The following HIVEP3 variants were observed in gnomAD, a reference collection of about 807,000 sequenced individuals.
HIVEP3 encodes the protein HIVEP zinc finger 3.
HIVEP3 carries 49 observed loss-of-function variants against 152.8 expected under a neutral mutation model. The ratio of observed to expected loss-of-function variants is 0.32; its 90% confidence interval spans 0.26 to 0.41. The LOEUF (loss-of-function observed/expected upper bound fraction) is 0.41. Among genes scored for constraint, HIVEP3 ranks in the 10% least tolerant of loss-of-function variants. The pLI, the probability that HIVEP3 is intolerant of heterozygous loss-of-function variation, is 1.00. For synonymous variants in HIVEP3, 1,269 were observed against 1,289.0 expected, an observed-to-expected ratio of 0.98 and a Z score of 0.33; for missense variants, 2,790 against 3,103.3, an observed-to-expected ratio of 0.90 and a Z score of 2.40.
intron 1 of HIVEP3, among the ~76,000 whole-genome samples, chr1:41,749,432 G>GTGTGTGTGTGTGTGTGTGTGTGT (rs57099184): frequency 1.3e-5 from 2 of 151,032 alleles, no homozygotes; most frequent in African/African-American, 2.4e-5. Context: ...GTGTGTGTGT[G>GTGTGTGTGTGTGTGTGTGTGTGT]ATGGAGAGAC....
At chr1:41,617,856 G>A (rs2149138384) in intron 3 of HIVEP3, among the ~76,000 whole-genome samples, 1 of 149,550 alleles carries the variant, frequency 6.7e-6, no homozygotes, top group African/African-American at 2.5e-5. Flanking sequence ...CAATGGCTTT[G>A]GAACTGGACA....
At chr1:41,854,060 T>A (rs1268415503) in intron 1 of HIVEP3, among the ~76,000 whole-genome samples, 1 of 152,216 alleles carries the variant, frequency 6.6e-6, no homozygotes, top group Non-Finnish European at 1.5e-5. Flanking sequence ...CTCACCCGGC[T>A]GTACCTAGGG....
rs78259501 is a variant in HIVEP3 at position 41,808,805 on chromosome 1, T to C, written c.-800-107810A>G. On this transcript the variant is annotated intron_variant, in intron 1 of 8. Transcript: ENST00000372583. ...AATAGGTTTATTCAAACGGCCCATA[T>C]GGAGCAAGGGATGGAGCCTGCAGTT... Among the ~76,000 whole-genome samples, 571 of 152,352 alleles carry C rather than the reference T, an allele frequency of 3.7e-3. 3 individuals are homozygous for C. The highest frequency in any genetic ancestry group is 0.013 in the African/African-American group (537 of 41,586).
intron 1 of HIVEP3, among the ~76,000 whole-genome samples, chr1:41,785,861 T>C (rs1010894558): frequency 6.6e-6 from 1 of 152,158 alleles, no homozygotes; most frequent in Admixed American, 6.5e-5. Context: ...CTGGGCATGG[T>C]GGCAGGTGCC....
intron 1 of HIVEP3, among the ~76,000 whole-genome samples, chr1:41,878,727 T>C (rs962479601): frequency 7.5e-6 from 1 of 132,890 alleles, no homozygotes; most frequent in African/African-American, 2.8e-5. Flanking sequence ...CTCCCTTCCT[T>C]CCTCTCCTTC....
chr1:41,869,277 C>A (rs6658462), intron 1 of HIVEP3, among the ~76,000 whole-genome samples: 42,847 of 152,070 alleles, frequency 0.28, 6,687 homozygotes, highest in East Asian at 0.55. Context: ...GTGTCACAAG[C>A]AAGGGATCAA....
At chr1:41,964,254 C>T (rs1338768812) in intron 1 of HIVEP3, among the ~76,000 whole-genome samples, 1 of 152,124 alleles carries the variant, frequency 6.6e-6, no homozygotes, top group Admixed American at 6.5e-5. Context: ...GTTGATGTGA[C>T]CCACGCAGAG....
intron 3 of HIVEP3, among the ~76,000 whole-genome samples, chr1:41,623,056 G>T (rs1239109486): frequency 3.9e-5 from 6 of 152,194 alleles, no homozygotes; most frequent in Non-Finnish European, 8.8e-5. Context: ...CAAACCCAGT[G>T]GTCCAAACCT....
chr1:41,740,171 G>T (rs921371659), intron 1 of HIVEP3, among the ~76,000 whole-genome samples: 2 of 152,230 alleles, frequency 1.3e-5, no homozygotes, highest in African/African-American at 4.8e-5. Context: ...GAAGATGTGG[G>T]CGCTGGCAAT....
At chr1:41,546,400 C>T (rs978670159) in intron 5 of HIVEP3, among the ~76,000 whole-genome samples, 7 of 152,244 alleles carry the variant, frequency 4.6e-5, no homozygotes, top group Non-Finnish European at 1.0e-4. Context: ...CTCTTCTCAG[C>T]AGGCTCAGAG....
intron 1 of HIVEP3, among the ~76,000 whole-genome samples, chr1:41,815,452 T>C (rs1293229819): frequency 2.0e-5 from 3 of 151,572 alleles, no homozygotes; most frequent in Non-Finnish European, 2.9e-5. Context: ...GCCTGGGTGA[T>C]AGAGTGAGAC....
intron 1 of HIVEP3, among the ~76,000 whole-genome samples, chr1:41,892,811 AAAG>A (rs1299274367): frequency 6.6e-6 from 1 of 152,156 alleles, no homozygotes; most frequent in Non-Finnish European, 1.5e-5. Context: ...AAAAAGAAGA[AAAG>A]AAAACAGCTC....
chr1:41,641,381 CG>C (rs1645370303), intron 2 of HIVEP3, among the ~76,000 whole-genome samples: 1 of 152,186 alleles, frequency 6.6e-6, no homozygotes, highest in Non-Finnish European at 1.5e-5. Context: ...CAGGGTCCTC[CG>C]GGGACCCAGC....
chr1:41,666,181 C>A (rs1645794644), intron 2 of HIVEP3, among the ~76,000 whole-genome samples: 1 of 152,052 alleles, frequency 6.6e-6, no homozygotes, highest in African/African-American at 2.4e-5. Flanking sequence ...ATGGTAGGTG[C>A]TCTCTTCATA....
At chr1:41,805,455 T>C (rs1291900922) in intron 1 of HIVEP3, among the ~76,000 whole-genome samples, 2 of 152,214 alleles carry the variant, frequency 1.3e-5, no homozygotes, top group African/African-American at 4.8e-5. Flanking sequence ...CACGTGCCCT[T>C]CCATGGAATG....
intron 2 of HIVEP3, among the ~76,000 whole-genome samples, chr1:41,687,289 G>A (rs1220606734): frequency 6.6e-6 from 1 of 152,202 alleles, no homozygotes; most frequent in Non-Finnish European, 1.5e-5. Context: ...GGAAGCTATG[G>A]GGGGTTTTCC....
intron 1 of HIVEP3, among the ~76,000 whole-genome samples, chr1:41,753,975 G>T (rs965240213): frequency 6.6e-6 from 1 of 152,140 alleles, no homozygotes; most frequent in Non-Finnish European, 1.5e-5. Flanking sequence ...AATGCTGGAG[G>T]TGAGTGCCGA....
intron 1 of HIVEP3, among the ~76,000 whole-genome samples, chr1:41,805,353 T>C (rs898304119): frequency 2.6e-5 from 4 of 152,150 alleles, no homozygotes; most frequent in Admixed American, 2.0e-4. Context: ...AATTTAAAAA[T>C]AAAAAATCAA....
At chr1:41,974,903 C>A (rs150467618) in intron 1 of HIVEP3, among the ~76,000 whole-genome samples, 1 of 152,096 alleles carries the variant, frequency 6.6e-6, no homozygotes, top group African/African-American at 2.4e-5. Context: ...ATTATCTCCA[C>A]GCAACCTGCC....
Sources: allele counts gnomAD v4.1 joint callset (sites outside exome capture counted in the v4.1 genomes callset), GRCh38; gene constraint gnomAD v4.1.1; transcripts MANE v1.5; gene names NCBI Gene and HGNC (gene_info 2026-07-23, HGNC 2026-07-21).